The following GRAMD1C variants were observed in gnomAD, a reference collection of about 807,000 sequenced individuals.
The protein encoded by GRAMD1C is protein Aster-C.
GRAMD1C carries 89 observed loss-of-function variants against 97.8 expected under a neutral mutation model. That is an observed-to-expected ratio of 0.91 (90% CI 0.77 to 1.09). The LOEUF (loss-of-function observed/expected upper bound fraction) is 1.09, where lower values mean the gene tolerates loss of function less well. Ranked by LOEUF, GRAMD1C falls within the 50% of genes least tolerant of loss-of-function variation. The probability of loss-of-function intolerance (pLI) is 0.00; values close to 1 mark genes in which losing one functional copy is unlikely to be tolerated. For missense variants in GRAMD1C, 740 were observed against 766.4 expected (o/e 0.97, Z 0.41); for synonymous variants, 256 against 267.0 (o/e 0.96, Z 0.40).
chr3:113,938,005 C>CAAAA (rs5851908), intron 14 of GRAMD1C, 81 bp from the exon 15 acceptor site: 267 of 508,818 alleles, frequency 5.2e-4, no homozygotes, highest in Middle Eastern at 1.3e-3. Context: ...AACTCCTTCT[C>CAAAA]AAAAAAAAAA....
intron 15 of GRAMD1C, 72 bp from the exon 16 acceptor site, chr3:113,939,814 C>A: frequency 1.3e-6 from 1 of 772,536 alleles, no homozygotes; most frequent in Non-Finnish European, 2.3e-6. Flanking sequence ...GAAGCTTTTG[C>A]ATGTATATTC....
In GRAMD1C at chr3:113,849,966, G is replaced by C. The variant is rs548331761; in HGVS notation, c.174+5317G>C. 1.5e-4 allele frequency among the ~76,000 whole-genome samples: 22 copies of C among 146,560 alleles called. No homozygotes were observed. In the East Asian group the frequency reaches 3.8e-3, roughly 25 times the overall value. ...TCCCGGACGGGGCGGCTGACCGGGC[G>C]GGGGGCTGACCCCCCCACCTCCCTC... On this transcript the variant is annotated intron_variant, in intron 2 of 17. Transcript: ENST00000358160.
chr3:113,892,622 G>C (rs770768051), intron 6 of GRAMD1C, among the ~76,000 whole-genome samples: 11 of 152,120 alleles, frequency 7.2e-5, no homozygotes, highest in Non-Finnish European at 7.4e-5. Flanking sequence ...ACAATCATTC[G>C]TGACATAATT....
chr3:113,915,171 G>C (rs1030597606), intron 9 of GRAMD1C, among the ~76,000 whole-genome samples: 1 of 152,146 alleles, frequency 6.6e-6, no homozygotes, highest in African/African-American at 2.4e-5. Context: ...TTGAAAATAG[G>C]TTGTGATTAC....
intron 5 of GRAMD1C, among the ~76,000 whole-genome samples, chr3:113,878,262 C>T (rs1024486992): frequency 2.0e-5 from 3 of 152,142 alleles, no homozygotes; most frequent in African/African-American, 7.2e-5. Context: ...GTGGGAGCCC[C>T]TTCAAGCTGG....
intron 17 of GRAMD1C, among the ~76,000 whole-genome samples, chr3:113,944,101 C>G (rs578086692): frequency 3.9e-5 from 6 of 152,170 alleles, no homozygotes; most frequent in African/African-American, 1.4e-4. Flanking sequence ...TCCATTTGTG[C>G]TACTATAACA....
intron 1 of GRAMD1C, among the ~76,000 whole-genome samples, chr3:113,831,558 T>C (rs1577106134): frequency 6.6e-6 from 1 of 152,186 alleles, no homozygotes; most frequent in East Asian, 1.9e-4. Flanking sequence ...ATTTTGTATA[T>C]GTTGGTCTAC....
chr3:113,894,694 A>T (rs1240946453), intron 6 of GRAMD1C, among the ~76,000 whole-genome samples: 1 of 152,216 alleles, frequency 6.6e-6, no homozygotes, highest in Non-Finnish European at 1.5e-5. Context: ...TGAATATTTC[A>T]ATCCAGGGTC....
chr3:113,855,717 AG>A, intron 2 of GRAMD1C, among the ~76,000 whole-genome samples: 1 of 151,652 alleles, frequency 6.6e-6, no homozygotes, highest in Admixed American at 6.6e-5. Context: ...AAAAAAAAAA[AG>A]AAAGAAAAAA....
chr3:113,836,850 G>C (rs556353306), upstream of GRAMD1C, among the ~76,000 whole-genome samples: 67 of 152,058 alleles, frequency 4.4e-4, no homozygotes, highest in East Asian at 0.01. Flanking sequence ...CACCATGTTG[G>C]CCAGGTTGGT....
rs565171279 is a variant in GRAMD1C at position 113,850,266 on chromosome 3, C to G, written c.174+5617C>G. 4.1e-5 allele frequency: 27 copies of G among 660,870 alleles called. No homozygotes were observed. In the East Asian group the frequency reaches 8.8e-4, roughly 21 times the overall value. The allele number at this position is 660,870 out of a possible 1,614,324, so 40.9% of individuals were successfully genotyped here. A position where few individuals can be genotyped will look rare whatever the true frequency, so the allele number is the denominator to read the frequency against. ...TGAGGTGGCTGACCACGTCCACGAC[C>G]AAATCTGCCTTTAAACTGGAATTCG... On this transcript the variant is annotated intron_variant, in intron 2 of 17. Transcript: ENST00000358160.
intron 5 of GRAMD1C, among the ~76,000 whole-genome samples, chr3:113,879,689 C>CTTTTT (rs1187587255): frequency 7.6e-6 from 1 of 131,950 alleles, no homozygotes. Flanking sequence ...TGACCTCTTC[C>CTTTTT]TTTTTTTTTT....
intron 14 of GRAMD1C, 135 bp from the exon 15 acceptor site, chr3:113,937,951 G>A: frequency 3.6e-6 from 2 of 552,092 alleles, no homozygotes; most frequent in Non-Finnish European, 3.1e-6. Context: ...GTTGCGGTGA[G>A]CTGAGATCGT....
At chr3:113,887,245 C>A (rs13100440) in intron 6 of GRAMD1C, among the ~76,000 whole-genome samples, 1 of 151,582 alleles carries the variant, frequency 6.6e-6, no homozygotes, top group South Asian at 2.1e-4. Context: ...CGCCTGCCAC[C>A]ACACCCAGCT....
In GRAMD1C at chr3:113,945,718, G is replaced by C. The variant is rs1214345105; in HGVS notation, c.*240G>C. 2.3e-6 allele frequency: 1 copy of C among 440,394 alleles called. No individual in the cohort carries two copies. Among genetic ancestry groups the C allele is most frequent in the Non-Finnish European group, 4.0e-6 (1 of 248,396 alleles). The allele number at this position is 440,394 out of a possible 1,614,324, so 27.3% of individuals were successfully genotyped here. On this transcript the variant is annotated 3_prime_UTR_variant, in exon 18 of 18. Transcript: ENST00000358160. ...GCTGTGAATTTCTTCAGTGAACCAT[G>C]AAATATATTATAGAACTGAATTTCT...
chr3:113,853,635 G>A (rs1182646783), intron 2 of GRAMD1C, among the ~76,000 whole-genome samples: 3 of 152,212 alleles, frequency 2.0e-5, no homozygotes, highest in African/African-American at 7.2e-5. Context: ...CTATGCACGA[G>A]AATGTTCTAA....
intron 6 of GRAMD1C, chr3:113,885,860 C>A: frequency 6.2e-7 from 1 of 1,612,188 alleles, no homozygotes; most frequent in Non-Finnish European, 8.5e-7. Context: ...TGGATAACTC[C>A]CTAGGGGCTT....
At chr3:113,936,661 C>G in intron 14 of GRAMD1C, 2 of 378,324 alleles carry the variant, frequency 5.3e-6, no homozygotes, top group Non-Finnish European at 9.3e-6. Context: ...TTTTATTTGG[C>G]CCATGTGTCA....
chr3:113,937,196 T>G (rs1937593683), intron 14 of GRAMD1C, among the ~76,000 whole-genome samples: 1 of 152,226 alleles, frequency 6.6e-6, no homozygotes. Flanking sequence ...ATCTTACTTT[T>G]AATAACTGTT....
Sources: allele counts gnomAD v4.1 joint callset (sites outside exome capture counted in the v4.1 genomes callset), GRCh38; gene constraint gnomAD v4.1.1; transcripts MANE v1.5; gene names NCBI Gene and HGNC (gene_info 2026-07-23, HGNC 2026-07-21).